PLXNC1: variants seen among roughly 807,000 people sequenced by gnomAD.
PLXNC1 encodes plexin-C1.
PLXNC1 carries 75 observed loss-of-function variants against 178.2 expected under a neutral mutation model. The observed-to-expected ratio is 0.42, with a 90% CI of 0.35 to 0.51. PLXNC1 has a LOEUF of 0.51. Among genes scored for constraint, PLXNC1 ranks in the 20% least tolerant of loss-of-function variants. The probability of loss-of-function intolerance (pLI) is 0.02; values close to 1 mark genes in which losing one functional copy is unlikely to be tolerated. For synonymous variants in PLXNC1, 790 were observed against 779.9 expected (o/e 1.01, Z -0.22); for missense variants, 1,503 against 1,984.4 (o/e 0.76, Z 4.61).
In PLXNC1 at chr12:94,233,840, C is replaced by G. The variant is rs533717299; in HGVS notation, c.1981-3824C>G. ...TTTCCACGGCTGGTTACCACTCTTA[C>G]CAATTTATACATTTCATTAATATAT... On this transcript the variant is annotated intron_variant, in intron 9 of 30. Coordinates refer to ENST00000258526, the MANE Select transcript of PLXNC1 (RefSeq NM_005761.3). Among the ~76,000 whole-genome samples the G allele has an allele frequency of 1.6e-3, 237 of 152,282 alleles. 1 individual carries two copies. The highest frequency in any genetic ancestry group is 5.7e-3 in the African/African-American group (235 of 41,564).
At chr12:94,155,160 A>G (rs1395855815) in intron 1 of PLXNC1, among the ~76,000 whole-genome samples, 1 of 152,104 alleles carries the variant, frequency 6.6e-6, no homozygotes, top group Non-Finnish European at 1.5e-5. Context: ...TCTGAGAGTT[A>G]CTTTTGACCA....
intron 21 of PLXNC1, among the ~76,000 whole-genome samples, 172 bp downstream of exon 21, chr12:94,265,397 T>C (rs754585429): frequency 2.6e-5 from 4 of 152,224 alleles, no homozygotes; most frequent in African/African-American, 7.2e-5. Context: ...GTTCACATAA[T>C]AGATTTTAAT....
intron 22 of PLXNC1, chr12:94,279,913 T>A (rs1237669444): frequency 3.3e-6 from 2 of 598,660 alleles, no homozygotes. Flanking sequence ...TAAATCAGAT[T>A]GATGAGATTG....
At chr12:94,172,980 G>A (rs1160192974) in intron 2 of PLXNC1, among the ~76,000 whole-genome samples, 1 of 152,156 alleles carries the variant, frequency 6.6e-6, no homozygotes, top group East Asian at 1.9e-4. Context: ...GGTCCTTTGA[G>A]AGCATCTAAT....
intron 17 of PLXNC1, among the ~76,000 whole-genome samples, chr12:94,257,870 C>T (rs1427231792): frequency 6.6e-6 from 1 of 151,636 alleles, no homozygotes; most frequent in Non-Finnish European, 1.5e-5. Flanking sequence ...TAGCGCCACA[C>T]TGCACTCCAG....
intron 2 of PLXNC1, among the ~76,000 whole-genome samples, chr12:94,180,030 G>A (rs1257574997): frequency 2.6e-5 from 4 of 152,088 alleles, no homozygotes; most frequent in Non-Finnish European, 5.9e-5. Flanking sequence ...TAGCACTATA[G>A]GATTCGAGTC....
At position 94,299,318 on chromosome 12, in the gene PLXNC1, C is replaced by T. The variant is rs1968235160; in HGVS notation, c.4238+523C>T. Among the ~76,000 whole-genome samples the T allele has an allele frequency of 2.0e-5, 3 of 152,104 alleles. No homozygotes were observed. In the South Asian group the frequency reaches 6.2e-4, roughly 32 times the overall value. Reference sequence around the variant, plus strand: ...AGGCAAGGCATCCAAATTTTGCCTCCTCAGTAAAGAAATGTAGCTCATGAG... The same window carrying T: ...AGGCAAGGCATCCAAATTTTGCCTCTTCAGTAAAGAAATGTAGCTCATGAG... On this transcript the variant is annotated intron_variant, in intron 27 of 30. Transcript: ENST00000258526.
intron 2 of PLXNC1, among the ~76,000 whole-genome samples, chr12:94,175,355 C>T (rs772509536): frequency 6.6e-6 from 1 of 152,278 alleles, no homozygotes; most frequent in Non-Finnish European, 1.5e-5. Flanking sequence ...TTTTTGAACA[C>T]CCGTGGCTTT....
intron 5 of PLXNC1, among the ~76,000 whole-genome samples, chr12:94,216,825 T>A (rs1963658611): frequency 6.6e-6 from 1 of 152,216 alleles, no homozygotes; most frequent in African/African-American, 2.4e-5. Context: ...TGTTGCGGGC[T>A]AATTGACACC....
intron 12 of PLXNC1, among the ~76,000 whole-genome samples, chr12:94,246,335 G>A (rs1207785697): frequency 6.6e-6 from 1 of 152,164 alleles, no homozygotes. Flanking sequence ...CCTTTGGGCT[G>A]TGGTTAGCAG....
In PLXNC1 at chr12:94,237,657, C is replaced by T; in HGVS notation, c.1981-7C>T. On this transcript the variant is annotated splice_region_variant and splice_polypyrimidine_tract_variant and intron_variant, in intron 9 of 30. Coordinates refer to ENST00000258526, the MANE Select transcript of PLXNC1 (RefSeq NM_005761.3). ...GATCTCCTGTTTTAATCTTTTCTTTCCAATAGGTCTTCTACATTAAGTCCA... is the reference window on the plus strand; with the variant it reads ...GATCTCCTGTTTTAATCTTTTCTTTTCAATAGGTCTTCTACATTAAGTCCA... 1 of 1,610,070 alleles carries T rather than the reference C, an allele frequency of 6.2e-7. No homozygotes were observed. Among genetic ancestry groups the T allele is most frequent in the Non-Finnish European group, 8.5e-7 (1 of 1,177,856 alleles).
At chr12:94,193,837 T>C (rs989005044) in intron 4 of PLXNC1, among the ~76,000 whole-genome samples, 1 of 152,114 alleles carries the variant, frequency 6.6e-6, no homozygotes, top group Non-Finnish European at 1.5e-5. Context: ...AGGAGTGGCC[T>C]GTTTGGGCTG....
chr12:94,304,477 A>G (rs1968798789), intron 30 of PLXNC1, among the ~76,000 whole-genome samples: 1 of 152,180 alleles, frequency 6.6e-6, no homozygotes, highest in Non-Finnish European at 1.5e-5. Context: ...ATTTCAATAA[A>G]CCATTCTCCT....
chr12:94,220,959 A>G (rs1037931776), intron 6 of PLXNC1, among the ~76,000 whole-genome samples: 1 of 152,216 alleles, frequency 6.6e-6, no homozygotes, highest in Non-Finnish European at 1.5e-5. Flanking sequence ...GGGAAGGTGG[A>G]AAGGGGAGAC....
chr12:94,275,896 A>AG (rs1035730541), intron 21 of PLXNC1, among the ~76,000 whole-genome samples: 1 of 146,972 alleles, frequency 6.8e-6, no homozygotes, highest in Admixed American at 6.7e-5. Context: ...CTGCTGTTTG[A>AG]GCACTAAGTG....
In PLXNC1 at chr12:94,209,688, G is replaced by T; in HGVS notation, c.1538G>T (p.Arg513Leu). 1 of 1,603,554 alleles carries T rather than the reference G, an allele frequency of 6.2e-7. No individual in the cohort carries two copies. Among genetic ancestry groups the T allele is most frequent in the Non-Finnish European group, 8.5e-7 (1 of 1,170,460 alleles). The change falls in exon 5 of 31, where the codon CGA (arginine) becomes CTA (leucine). Residue 513 changes from arginine to leucine, a missense_variant. Physicochemically the swap from Arg to Leu is moderately radical, Grantham distance 102. Transcript: ENST00000258526. ...AKKCPKIQII[R>L]SSKEKTTVTM... ...AAGTGCCCTAAAATTCAGATAATTCGAAGCAGTAAAGAAAAGGTAAGAGGA... is the reference window on the plus strand; with the variant it reads ...AAGTGCCCTAAAATTCAGATAATTCTAAGCAGTAAAGAAAAGGTAAGAGGA...
At chr12:94,245,602 G>A (rs1022512990) in intron 12 of PLXNC1, among the ~76,000 whole-genome samples, 2 of 152,204 alleles carry the variant, frequency 1.3e-5, no homozygotes, top group Admixed American at 1.3e-4. Context: ...GAAACCCTGT[G>A]AGTCCAAGAA....
intron 7 of PLXNC1, among the ~76,000 whole-genome samples, chr12:94,225,248 T>A (rs1963906531): frequency 6.6e-6 from 1 of 152,222 alleles, no homozygotes; most frequent in Admixed American, 6.5e-5. Flanking sequence ...GTGCTGTAGA[T>A]CACTGCATAG....
intron 14 of PLXNC1, among the ~76,000 whole-genome samples, chr12:94,249,959 A>C (rs60345866): frequency 0.049 from 4,943 of 100,226 alleles, 385 homozygotes; most frequent in African/African-American, 0.17. Context: ...GAACAGGAGC[A>C]GGTAGGGGGG....
Sources: allele counts gnomAD v4.1 joint callset (sites outside exome capture counted in the v4.1 genomes callset), GRCh38; gene constraint gnomAD v4.1.1; transcripts MANE v1.5; gene names NCBI Gene and HGNC (gene_info 2026-07-23, HGNC 2026-07-21).